The following PID1 variants were observed in gnomAD, a reference collection of about 807,000 sequenced individuals.
PID1 encodes phosphotyrosine interaction domain containing 1.
In PID1, 10 loss-of-function variants were observed where a neutral mutation model predicts 19.1. The ratio of observed to expected loss-of-function variants is 0.52; its 90% confidence interval spans 0.32 to 0.89. PID1 has a LOEUF of 0.89. Ranked by LOEUF, PID1 falls within the 40% of genes least tolerant of loss-of-function variation. PID1 has a pLI of 0.03. For synonymous variants in PID1, 130 were observed against 116.0 expected (o/e 1.12, Z -0.78); for missense variants, 248 against 285.3 (o/e 0.87, Z 0.94).
At position 229,192,885 on chromosome 2, in the gene PID1, A is replaced by T. The variant is rs537095036; in HGVS notation, c.31-36921T>A. Reference sequence around the variant, plus strand: ...GAAACAAGGTAATTTGCTCTCAGCCACACAGGTTATTAGGAACAATACCGG... The same window carrying T: ...GAAACAAGGTAATTTGCTCTCAGCCTCACAGGTTATTAGGAACAATACCGG... On this transcript the variant is annotated intron_variant, in intron 1 of 2. Transcript: ENST00000392055. Among the ~76,000 whole-genome samples, 9 of 152,352 alleles carry T rather than the reference A, an allele frequency of 5.9e-5. No homozygotes were observed. In the East Asian group the frequency reaches 1.7e-3, roughly 29 times the overall value.
At chr2:229,217,802 T>C (rs1367156354) in intron 1 of PID1, among the ~76,000 whole-genome samples, 1 of 152,234 alleles carries the variant, frequency 6.6e-6, no homozygotes, top group Non-Finnish European at 1.5e-5. Flanking sequence ...TCTCATGGCA[T>C]TCCAAGGTAG....
chr2:229,114,174 A>ACACACAC (rs1695363067), intron 2 of PID1, among the ~76,000 whole-genome samples: 3 of 124,574 alleles, frequency 2.4e-5, no homozygotes, highest in African/African-American at 8.4e-5. Context: ...TCTCCACACA[A>ACACACAC]ACACACACAC....
intron 1 of PID1, among the ~76,000 whole-genome samples, chr2:229,183,241 C>G (rs1690985097): frequency 6.6e-6 from 1 of 152,142 alleles, no homozygotes; most frequent in Admixed American, 6.5e-5. Flanking sequence ...TTTCAGCAAC[C>G]CCCTGAAGCC....
chr2:229,028,118 C>G (rs1433774730), intron 2 of PID1, among the ~76,000 whole-genome samples: 1 of 152,162 alleles, frequency 6.6e-6, no homozygotes, highest in Admixed American at 6.5e-5. Context: ...CAAAAACTAA[C>G]AATACAGGGT....
At chr2:229,218,722 T>C (rs1339846663) in intron 1 of PID1, among the ~76,000 whole-genome samples, 1 of 151,746 alleles carries the variant, frequency 6.6e-6, no homozygotes, top group Non-Finnish European at 1.5e-5. Flanking sequence ...AAAGAAGGAG[T>C]GGACTGATGG....
chr2:229,032,716 T>C (rs1260838275), intron 2 of PID1, among the ~76,000 whole-genome samples: 2 of 152,212 alleles, frequency 1.3e-5, no homozygotes, highest in African/African-American at 2.4e-5. Flanking sequence ...ATGAAACTTA[T>C]TACCAATGAA....
At chr2:229,265,953 G>C (rs1484273045) in intron 1 of PID1, among the ~76,000 whole-genome samples, 1 of 152,152 alleles carries the variant, frequency 6.6e-6, no homozygotes, top group Non-Finnish European at 1.5e-5. Context: ...TTAAGCAAGG[G>C]GCACAGAGTT....
At chr2:229,253,846 T>C (rs138026507) in intron 1 of PID1, among the ~76,000 whole-genome samples, 1 of 152,286 alleles carries the variant, frequency 6.6e-6, no homozygotes, top group Non-Finnish European at 1.5e-5. Context: ...ATCATTCAGT[T>C]CTATGGTTGC....
chr2:229,035,203 G>T (rs1039383867), intron 2 of PID1, among the ~76,000 whole-genome samples: 1 of 152,122 alleles, frequency 6.6e-6, no homozygotes, highest in Admixed American at 6.5e-5. Context: ...TACGAATAAA[G>T]CAGATTACCC....
chr2:229,249,220 A>G (rs1205424901), intron 1 of PID1, among the ~76,000 whole-genome samples: 1 of 151,884 alleles, frequency 6.6e-6, no homozygotes, highest in African/African-American at 2.4e-5. Flanking sequence ...CTTTATTTAA[A>G]TGTCAAGAAA....
intron 2 of PID1, among the ~76,000 whole-genome samples, chr2:229,071,916 T>C (rs1694462345): frequency 6.6e-6 from 1 of 152,228 alleles, no homozygotes; most frequent in Non-Finnish European, 1.5e-5. Context: ...ATGGAAATCA[T>C]TTTCTATGCC....
At chr2:229,041,797 A>G (rs1380160270) in intron 2 of PID1, among the ~76,000 whole-genome samples, 1 of 151,980 alleles carries the variant, frequency 6.6e-6, no homozygotes, top group African/African-American at 2.4e-5. Context: ...AATCTTACGG[A>G]AATGTTGAAC....
intron 1 of PID1, among the ~76,000 whole-genome samples, chr2:229,186,152 C>T (rs1247907576): frequency 6.6e-6 from 1 of 152,218 alleles, no homozygotes; most frequent in Non-Finnish European, 1.5e-5. Flanking sequence ...CTCCATGTCT[C>T]ACATCCAGGT....
At chr2:229,254,396 A>G (rs934714063) in intron 1 of PID1, among the ~76,000 whole-genome samples, 1 of 152,212 alleles carries the variant, frequency 6.6e-6, no homozygotes, top group Non-Finnish European at 1.5e-5. Context: ...AAAAACTACA[A>G]CTAATGCTAT....
intron 2 of PID1, among the ~76,000 whole-genome samples, chr2:229,043,674 A>G (rs748123436): frequency 2.0e-5 from 3 of 152,226 alleles, no homozygotes. Flanking sequence ...TCCAGGGAGC[A>G]GTCTTATTTT....
intron 2 of PID1, among the ~76,000 whole-genome samples, chr2:229,119,322 T>C (rs1574643937): frequency 6.6e-6 from 1 of 152,246 alleles, no homozygotes; most frequent in African/African-American, 2.4e-5. Context: ...ACTTTGTACA[T>C]ATCAAGGCCA....
At chr2:229,045,633 A>G (rs1246536694) in intron 2 of PID1, among the ~76,000 whole-genome samples, 1 of 152,252 alleles carries the variant, frequency 6.6e-6, no homozygotes, top group Non-Finnish European at 1.5e-5. Context: ...AGTAACAGTG[A>G]GCAGTGCCTT....
intron 2 of PID1, among the ~76,000 whole-genome samples, chr2:229,120,708 T>G (rs1695499210): frequency 6.6e-6 from 1 of 151,944 alleles, no homozygotes; most frequent in African/African-American, 2.4e-5. Flanking sequence ...CCACCAAAAC[T>G]CATGTTGAAA....
At chr2:229,156,994 C>A (rs895310108) in intron 1 of PID1, among the ~76,000 whole-genome samples, 1 of 152,144 alleles carries the variant, frequency 6.6e-6, no homozygotes. Context: ...TCCTTGAGGT[C>A]CCTGATCAAA....
Sources: allele counts gnomAD v4.1 joint callset (sites outside exome capture counted in the v4.1 genomes callset), GRCh38; gene constraint gnomAD v4.1.1; transcripts MANE v1.5; gene names NCBI Gene and HGNC (gene_info 2026-07-23, HGNC 2026-07-21).